Variants in STAG2 observed in about 807,000 individuals in gnomAD.
The protein encoded by STAG2 is cohesin subunit SA-2.
STAG2 carries 14 observed loss-of-function variants against 108.1 expected under a neutral mutation model. The observed-to-expected ratio is 0.13, with a 90% CI of 0.09 to 0.20. STAG2 has a LOEUF of 0.20. STAG2 is among the 10% of genes least tolerant of loss of function. The pLI is 1.00. For missense variants in STAG2, 440 were observed against 940.9 expected, an observed-to-expected ratio of 0.47 and a Z score of 6.96; for synonymous variants, 307 against 302.7, an observed-to-expected ratio of 1.01 and a Z score of -0.15.
intron 6 of STAG2, among the ~76,000 whole-genome samples, chrX:124,041,492 AATT>A (rs1445931859): frequency 1.8e-5 from 2 of 111,125 alleles, no homozygotes; most frequent in African/African-American, 6.5e-5. Flanking sequence ...AATCTATGTT[AATT>A]ATATCTAGTT....
chrX:124,018,651 C>T (rs943291138), intron 1 of STAG2, among the ~76,000 whole-genome samples: 1 of 110,572 alleles, frequency 9.0e-6, no homozygotes, highest in Non-Finnish European at 1.9e-5. Flanking sequence ...TAGGTGTGTG[C>T]CATCATGCCC....
At chrX:124,074,990 G>A (rs1218911717) in intron 25 of STAG2, among the ~76,000 whole-genome samples, 1 of 111,894 alleles carries the variant, frequency 8.9e-6, no homozygotes, top group South Asian at 3.7e-4. Context: ...TAAGCAAATA[G>A]TGTTGCATCT....
chrX:124,043,024 A>G (rs926365511), intron 7 of STAG2, among the ~76,000 whole-genome samples: 3 of 106,400 alleles, frequency 2.8e-5, no homozygotes, highest in Non-Finnish European at 5.8e-5. Flanking sequence ...AAAAAAAAGG[A>G]AAAAAAAAAT....
intron 1 of STAG2, among the ~76,000 whole-genome samples, chrX:124,007,041 C>T (rs2056326267): frequency 9.1e-6 from 1 of 110,272 alleles, no homozygotes; most frequent in Admixed American, 9.7e-5. Context: ...TGCTCTGTCA[C>T]CTAGGCTGCA....
chrX:124,062,017 T>G, intron 17 of STAG2, 143 bp downstream of exon 17: 1 of 479,668 alleles, frequency 2.1e-6, no homozygotes, highest in South Asian at 3.8e-5. Flanking sequence ...GAGGTAAATT[T>G]TAAAGCATTA....
At chrX:124,002,027 A>G (rs894687251) in intron 1 of STAG2, among the ~76,000 whole-genome samples, 8 of 111,766 alleles carry the variant, frequency 7.2e-5, no homozygotes, top group African/African-American at 2.6e-4. Context: ...AGTTTGAGTC[A>G]GGCCTAGGCA....
chrX:123,969,054 C>T (rs1178103466), intron 1 of STAG2, among the ~76,000 whole-genome samples: 1 of 112,109 alleles, frequency 8.9e-6, no homozygotes, highest in East Asian at 2.8e-4. Flanking sequence ...TTTAATTTTA[C>T]AAAATCAAGA....
intron 1 of STAG2, among the ~76,000 whole-genome samples, chrX:124,015,735 A>G (rs768013538): frequency 8.9e-6 from 1 of 112,015 alleles, no homozygotes; most frequent in Non-Finnish European, 1.9e-5. Flanking sequence ...TTGAAGGTAG[A>G]TATTTATGTC....
In STAG2 at chrX:124,054,274, T is replaced by C. The variant is rs140892096; in HGVS notation, c.1197-1854T>C. Among the ~76,000 whole-genome samples, 58 of 112,153 alleles carry C rather than the reference T, an allele frequency of 5.2e-4. No individual in the cohort carries two copies. In the East Asian group the frequency reaches 8.1e-3, roughly 16 times the overall value. On this transcript the variant is annotated intron_variant, in intron 13 of 34. Transcript: ENST00000371145. ...AAGATAATAGCTAATATAAGCACTT[T>C]ATATGGATAATTTCATTTAATACTG...
At chrX:124,044,958 C>A (rs2057833194) in intron 7 of STAG2, among the ~76,000 whole-genome samples, 1 of 111,430 alleles carries the variant, frequency 9.0e-6, no homozygotes, top group Admixed American at 9.6e-5. Context: ...TTCAGAATAT[C>A]TATCTTGATC....
upstream of STAG2, chrX:123,960,581 C>T (rs1473191878): frequency 1.4e-5 from 1 of 73,939 alleles, no homozygotes; most frequent in African/African-American, 5.6e-5. Flanking sequence ...GCGAACACCC[C>T]AAACAATCCC....
intron 25 of STAG2, among the ~76,000 whole-genome samples, chrX:124,071,864 T>C (rs759918251): frequency 9.0e-6 from 1 of 111,318 alleles, no homozygotes; most frequent in East Asian, 2.8e-4. Flanking sequence ...AGGAAAAGAA[T>C]CAAACCAGCC....
At chrX:124,004,563 T>C (rs2056199406) in intron 1 of STAG2, among the ~76,000 whole-genome samples, 1 of 111,507 alleles carries the variant, frequency 9.0e-6, no homozygotes, top group African/African-American at 3.3e-5. Flanking sequence ...TAATTTTCCA[T>C]TGTGTATATG....
chrX:123,974,236 C>CTTTTTTTTTT (rs201656151), intron 1 of STAG2, among the ~76,000 whole-genome samples: 3 of 98,747 alleles, frequency 3.0e-5, no homozygotes, highest in African/African-American at 1.1e-4. Flanking sequence ...TTTCTTTTTT[C>CTTTTTTTTTT]TTTTTTTTTT....
chrX:124,020,826 C>A (rs928459579), intron 1 of STAG2, among the ~76,000 whole-genome samples: 3 of 112,399 alleles, frequency 2.7e-5, no homozygotes, highest in African/African-American at 9.7e-5. Flanking sequence ...TGTGCACCAA[C>A]ACACGAGGCT....
rs765031639 is a variant in STAG2, at chrX:124,051,747, C to T, written c.1196+353C>T. 5.0e-3 allele frequency among the ~76,000 whole-genome samples: 555 copies of T among 110,631 alleles called. 2 individuals carry two copies. The highest frequency in any genetic ancestry group is 0.017 in the African/African-American group (516 of 30,417). ...CTGGGACTACAGGCGCCCGCCACGA[C>T]GCCTGGCTTATTTTTTGTATTTTTA... On this transcript the variant is annotated intron_variant, in intron 13 of 34. Transcript: ENST00000371145.
chrX:124,059,502 G>C (rs5956606), intron 15 of STAG2, among the ~76,000 whole-genome samples: 8 of 111,903 alleles, frequency 7.1e-5, no homozygotes, highest in African/African-American at 2.6e-4. Context: ...AAATGCTTCT[G>C]CATTACTTGA....
intron 1 of STAG2, among the ~76,000 whole-genome samples, chrX:124,010,682 T>A (rs751216966): frequency 9.0e-6 from 1 of 111,458 alleles, no homozygotes; most frequent in African/African-American, 3.3e-5. Flanking sequence ...AATATCAATT[T>A]GTTCAGTGTT....
chrX:123,965,014 T>G (rs1472992738), intron 1 of STAG2, among the ~76,000 whole-genome samples: 2 of 108,234 alleles, frequency 1.8e-5, no homozygotes, highest in Non-Finnish European at 3.8e-5. Flanking sequence ...GGTTTATTTT[T>G]TTCCCCCAGG....
Sources: gnomAD v4.1 joint callset for allele counts (sites outside exome capture counted in the v4.1 genomes callset) on GRCh38, gnomAD v4.1.1 for gene constraint, MANE v1.5 for transcripts, NCBI Gene and HGNC (gene_info 2026-07-23, HGNC 2026-07-21) for gene names.